SCARA3: variants seen among roughly 807,000 people sequenced by gnomAD.
SCARA3 encodes the protein scavenger receptor class A member 3, also known as cellular stress response gene protein.
SCARA3 carries 39 observed loss-of-function variants against 47.0 expected under a neutral mutation model. The ratio of observed to expected loss-of-function variants is 0.83; its 90% CI spans 0.64 to 1.08. The LOEUF (loss-of-function observed/expected upper bound fraction) is 1.08. SCARA3 is among the 50% of genes least tolerant of loss of function. The pLI is 0.00. For synonymous variants in SCARA3, 356 were observed against 334.1 expected (o/e 1.07, Z -0.71); for missense variants, 724 against 792.3 (o/e 0.91, Z 1.04).
chr8:27,671,263 C>T lies in SCARA3; in HGVS notation c.1733C>T (p.Ala578Val). Residue 578 changes from alanine (A) to valine (V), a missense_variant, in exon 6 of 6, where the codon GCC becomes GTC. Coordinates refer to ENST00000301904, the MANE Select transcript of SCARA3 (RefSeq NM_016240.3). The part of the protein sequence containing the change: ...GKTGSPGQRG[A>V]MGPKGEPGIQ... Reference sequence around the variant, plus strand: ...ACAGGGTCACCAGGCCAGCGGGGGGCCATGGGGCCTAAGGGTGAACCAGGG... The same window carrying T: ...ACAGGGTCACCAGGCCAGCGGGGGGTCATGGGGCCTAAGGGTGAACCAGGG... The T allele has an allele frequency of 1.4e-6, 2 of 1,480,674 alleles. No individual in the cohort carries two copies. The highest frequency in any genetic ancestry group is 2.0e-4 in the Middle Eastern group (1 of 5,066). 91.7% of individuals were successfully genotyped at this position (1,480,674 alleles called of 1,614,324 possible).
intron 5 of SCARA3, among the ~76,000 whole-genome samples, chr8:27,666,051 G>A (rs1283252356): frequency 2.0e-5 from 3 of 152,188 alleles, no homozygotes; most frequent in Non-Finnish European, 4.4e-5. Context: ...AAGTGTTCAG[G>A]AGTTTACCTG....
chr8:27,639,832 G>C (rs35800936), intron 1 of SCARA3, among the ~76,000 whole-genome samples: 28 of 152,198 alleles, frequency 1.8e-4, no homozygotes, highest in African/African-American at 6.5e-4. Context: ...AAGTTCCAAG[G>C]GGGAGGAAAT....
At chr8:27,715,846 A>ATAGATAGATAGG in the SCARA3 span, among the ~76,000 whole-genome samples, 960 of 145,076 alleles carry the variant, frequency 6.6e-3, 10 homozygotes, top group South Asian at 0.038. The surrounding 1 kb of genome is among the most constrained non-coding windows in gnomAD (Gnocchi z 4.2). Context: ...AGATAGATAG[A>ATAGATAGATAGG]TAGATAGATA....
At chr8:27,656,010 T>C (rs1170703869) in intron 3 of SCARA3, among the ~76,000 whole-genome samples, 1 of 152,140 alleles carries the variant, frequency 6.6e-6, no homozygotes, top group East Asian at 1.9e-4. Context: ...GGCTTGATGA[T>C]CCCCCTTCTG....
the SCARA3 span, among the ~76,000 whole-genome samples, chr8:27,693,927 C>G: frequency 1.6e-4 from 24 of 152,192 alleles, no homozygotes; most frequent in Non-Finnish European, 3.4e-4. Flanking sequence ...CAATGTACGT[C>G]TTACAGGTAT....
At chr8:27,731,765 G>A in the SCARA3 span, among the ~76,000 whole-genome samples, 19 of 151,844 alleles carry the variant, frequency 1.3e-4, no homozygotes, top group East Asian at 1.9e-4. Context: ...TGTTATGTAA[G>A]CCTCACTGAT....
At chr8:27,641,091 T>C (rs1477185189) in intron 1 of SCARA3, among the ~76,000 whole-genome samples, 1 of 152,230 alleles carries the variant, frequency 6.6e-6, no homozygotes, top group Non-Finnish European at 1.5e-5. Flanking sequence ...ATTTTAGCTA[T>C]TTGCATTTTC....
the SCARA3 span, among the ~76,000 whole-genome samples, chr8:27,719,457 T>TAA: frequency 6.7e-6 from 1 of 150,288 alleles, no homozygotes; most frequent in Non-Finnish European, 1.5e-5. Flanking sequence ...GGTGATAAAA[T>TAA]AATCTGTACA....
intron 3 of SCARA3, among the ~76,000 whole-genome samples, chr8:27,653,647 C>T (rs1301703947): frequency 6.6e-6 from 1 of 150,948 alleles, no homozygotes; most frequent in South Asian, 2.1e-4. Flanking sequence ...TGCTTTACAA[C>T]CAGAACTGTG....
At chr8:27,675,823 T>G, downstream of SCARA3, among the ~76,000 whole-genome samples, 1 of 134,116 alleles carries the variant, frequency 7.5e-6, no homozygotes, top group African/African-American at 2.8e-5. Flanking sequence ...ATGCAGATTG[T>G]GGGCCTCCCC....
chr8:27,708,736 G>T, the SCARA3 span, among the ~76,000 whole-genome samples: 1 of 152,004 alleles, frequency 6.6e-6, no homozygotes. Flanking sequence ...GTGGAGGTTT[G>T]TTACATGGGT....
rs1802184160 is a variant in SCARA3, at chr8:27,672,277, A to C, written c.*926A>C. ...ATCCTTGCCTCTGCCCTTCAGGAGCAGCCTGGAAGGAATCCAAGCAGGAGT... is the reference window on the plus strand; with the variant it reads ...ATCCTTGCCTCTGCCCTTCAGGAGCCGCCTGGAAGGAATCCAAGCAGGAGT... On this transcript the variant is annotated 3_prime_UTR_variant, in exon 6 of 6. Coordinates refer to ENST00000301904, the MANE Select transcript of SCARA3 (RefSeq NM_016240.3). The C allele has an allele frequency of 6.1e-6, 6 of 985,388 alleles. No individual in the cohort carries two copies. The highest frequency in any genetic ancestry group is 7.2e-6 in the Non-Finnish European group (6 of 829,986). 61.0% of individuals were successfully genotyped at this position (985,388 alleles called of 1,614,324 possible). A position where few individuals can be genotyped will look rare whatever the true frequency, so the allele number is the denominator to read the frequency against.
At chr8:27,655,951 C>T (rs186359082) in intron 3 of SCARA3, among the ~76,000 whole-genome samples, 1 of 152,278 alleles carries the variant, frequency 6.6e-6, no homozygotes, top group African/African-American at 2.4e-5. Flanking sequence ...GTACAGTAGT[C>T]CCCGTTTATC....
chr8:27,646,511 C>T (rs760177835), intron 1 of SCARA3, among the ~76,000 whole-genome samples: 1 of 152,090 alleles, frequency 6.6e-6, no homozygotes, highest in Non-Finnish European at 1.5e-5. Context: ...AGGGAGGAGG[C>T]CCAGTCACGG....
intron 3 of SCARA3, 118 bp from the exon 4 acceptor site, chr8:27,656,664 A>T: frequency 1.4e-6 from 1 of 693,456 alleles, no homozygotes; most frequent in South Asian, 1.7e-5. Flanking sequence ...GAAGCCTGAG[A>T]GAAGAAGGGT....
At chr8:27,656,911 G>C in intron 4 of SCARA3, 31 bp downstream of exon 4, 1 of 1,414,948 alleles carries the variant, frequency 7.1e-7, no homozygotes, top group Non-Finnish European at 1.0e-6. Context: ...CTGTGATGCA[G>C]TGATCTTCAG....
downstream of SCARA3, among the ~76,000 whole-genome samples, chr8:27,673,953 G>A (rs906433126): frequency 5.9e-5 from 9 of 152,070 alleles, no homozygotes; most frequent in African/African-American, 2.2e-4. Flanking sequence ...GCAGTTGAGG[G>A]GTTTGCTGCA....
downstream of SCARA3, chr8:27,679,850 C>T (rs1010170479): frequency 5.9e-5 from 9 of 152,128 alleles, no homozygotes; most frequent in Admixed American, 1.3e-4. Flanking sequence ...TACAGCAGCA[C>T]GTAGACTAAT....
At chr8:27,652,210 A>G (rs1801648404) in intron 3 of SCARA3, among the ~76,000 whole-genome samples, 1 of 152,186 alleles carries the variant, frequency 6.6e-6, no homozygotes, top group African/African-American at 2.4e-5. Flanking sequence ...AGACCCAGGG[A>G]TCTGAGGTTT....
Sources: allele counts gnomAD v4.1 joint callset (sites outside exome capture counted in the v4.1 genomes callset), GRCh38; gene constraint gnomAD v4.1.1; non-coding constraint Gnocchi (gnomAD v3.1); transcripts MANE v1.5; gene names NCBI Gene and HGNC (gene_info 2026-07-23, HGNC 2026-07-21).